Variants in KSR2 observed in about 807,000 individuals in gnomAD.
The protein encoded by KSR2 is kinase suppressor of ras 2.
Under a neutral mutation model 107.8 loss-of-function variants are expected in KSR2, and 25 were observed. The observed-to-expected ratio is 0.23, with a 90% CI of 0.17 to 0.32. KSR2 has a LOEUF of 0.32. Among genes scored for constraint, KSR2 ranks in the 10% least tolerant of loss-of-function variants. The pLI is 1.00. For synonymous variants in KSR2, 480 were observed against 507.0 expected (o/e 0.95, Z 0.71); for missense variants, 887 against 1,268.9 (o/e 0.70, Z 4.57).
intron 5 of KSR2, among the ~76,000 whole-genome samples, chr12:117,659,401 G>A (rs555148878): frequency 1.3e-5 from 2 of 152,236 alleles, no homozygotes; most frequent in South Asian, 4.1e-4. Flanking sequence ...GCCTCTCATG[G>A]AACATACACA....
At position 117,527,073 on chromosome 12, in the gene KSR2, C is replaced by T. The variant is rs1565884623; in HGVS notation, c.1849G>A (p.Glu617Lys). The change falls in exon 13 of 20, where the codon GAG becomes AAG. Residue 617 changes from glutamate (E) to lysine (K), a missense_variant and splice_region_variant. By Grantham distance (56) the Glu-to-Lys change is moderately conservative (BLOSUM62 1). This residue lies in a region of KSR2 where 308 missense variants were observed against 506.2 expected (regional missense o/e 0.61). Coordinates refer to ENST00000339824, the MANE Select transcript of KSR2 (RefSeq NM_173598.6). ...CTTCACTGCTCTCTGATTCTCACCT[C>T]CGACGTTGGCTCCACTTCAATTTGA... ...LLQIEVEPTSENEEVHDEAEE... is the reference protein window; with the variant it reads ...LLQIEVEPTSKNEEVHDEAEE... 1 of 1,613,724 alleles carries T rather than the reference C, an allele frequency of 6.2e-7. No homozygotes were observed. The highest frequency in any genetic ancestry group is 2.2e-5 in the East Asian group (1 of 44,870).
chr12:117,643,581 G>A lies in KSR2; in HGVS notation c.1171+23893C>T, dbSNP rs1364641098. Among the ~76,000 whole-genome samples the A allele has an allele frequency of 3.9e-5, 6 of 152,146 alleles. No individual in the cohort carries two copies. The East Asian group carries it at 1.2e-3, about 29-fold the overall frequency. ...CTAAAAGTTTGTTTATTAAGTGCAC[G>A]AACATACTTTATGGAAACACTCACT... On this transcript the variant is annotated intron_variant, in intron 5 of 19. Transcript: ENST00000339824.
chr12:117,952,478 G>A (rs891725670), intron 1 of KSR2, among the ~76,000 whole-genome samples: 8 of 149,760 alleles, frequency 5.3e-5, no homozygotes, highest in African/African-American at 9.8e-5. Flanking sequence ...GCAAAACCCC[G>A]TCTCTACAAA....
chr12:117,844,561 G>A (rs1164756641), intron 3 of KSR2, among the ~76,000 whole-genome samples: 1 of 151,940 alleles, frequency 6.6e-6, no homozygotes, highest in African/African-American at 2.4e-5. Context: ...TGACCAACTG[G>A]AGATTGTGCA....
Position 117,761,266 on chromosome 12 carries a change from C to A in KSR2, c.731G>T (p.Gly244Val). 6.5e-7 allele frequency: 1 copy of A among 1,532,134 alleles called. No homozygotes were observed. The highest frequency in any genetic ancestry group is 1.3e-5 in the South Asian group (1 of 77,126). The allele number at this position is 1,532,134 out of a possible 1,614,324, so 94.9% of individuals were successfully genotyped here. ...GGGCGATGGGGGCAGGGAACGGTGG[C>A]CCGACTCCAGTGGCGGGGGCGGGCA... ...GLCPPPPLES[G>V]HRSLPPSPRQ... The change falls in exon 4 of 20, where the codon GGC becomes GTC. Residue 244 changes from glycine (G) to valine (V), a missense_variant. By Grantham distance (109) the Gly-to-Val change is moderately radical. This residue lies in a region of KSR2 where 399 missense variants were observed against 479.5 expected (regional missense o/e 0.83). Transcript: ENST00000339824.
intron 14 of KSR2, among the ~76,000 whole-genome samples, chr12:117,501,268 A>G (rs1873361420): frequency 6.6e-6 from 1 of 152,256 alleles, no homozygotes; most frequent in Admixed American, 6.5e-5. Context: ...AGCAGAGTTA[A>G]GGAGTTGTAA....
At chr12:117,762,086 C>G (rs1018139455) in intron 3 of KSR2, among the ~76,000 whole-genome samples, 1 of 152,224 alleles carries the variant, frequency 6.6e-6, no homozygotes, top group East Asian at 1.9e-4. Flanking sequence ...AACAGCCTTG[C>G]CTTCCACTGC....
intron 14 of KSR2, among the ~76,000 whole-genome samples, chr12:117,509,720 T>C (rs973090664): frequency 1.3e-5 from 2 of 152,194 alleles, no homozygotes; most frequent in African/African-American, 4.8e-5. Context: ...ATAACAGCCT[T>C]GGAGGGACTG....
chr12:117,500,773 A>G (rs1873330507), intron 14 of KSR2, among the ~76,000 whole-genome samples: 1 of 152,136 alleles, frequency 6.6e-6, no homozygotes, highest in Non-Finnish European at 1.5e-5. Context: ...GGCTCAAGAG[A>G]TTGAATGACT....
intron 4 of KSR2, among the ~76,000 whole-genome samples, chr12:117,688,728 G>T (rs957036463): frequency 1.3e-5 from 2 of 152,258 alleles, no homozygotes; most frequent in African/African-American, 4.8e-5. Flanking sequence ...AAAATGTGCT[G>T]CCAAAGGACA....
At chr12:117,526,099 G>C (rs973831208) in intron 13 of KSR2, among the ~76,000 whole-genome samples, 3 of 152,152 alleles carry the variant, frequency 2.0e-5, no homozygotes, top group Admixed American at 2.0e-4. Flanking sequence ...ACACCGACTG[G>C]GAGGCCCGAG....
chr12:117,494,105 T>C (rs543368844), intron 14 of KSR2, among the ~76,000 whole-genome samples: 1 of 152,314 alleles, frequency 6.6e-6, no homozygotes, highest in South Asian at 2.1e-4. Flanking sequence ...AATGAATGAA[T>C]GGATGCAGTG....
intron 3 of KSR2, among the ~76,000 whole-genome samples, chr12:117,767,399 T>C (rs1328032839): frequency 2.0e-5 from 3 of 150,024 alleles, no homozygotes; most frequent in African/African-American, 7.4e-5. Context: ...ATCGCTCCAC[T>C]GCACTCCAGC....
intron 14 of KSR2, among the ~76,000 whole-genome samples, chr12:117,518,926 GACCCATCGATC>G (rs1224967120): frequency 1.3e-5 from 2 of 152,156 alleles, no homozygotes; most frequent in African/African-American, 2.4e-5. Flanking sequence ...CCATCACTCT[GACCCATCGATC>G]ACCCTGACTG....
At chr12:117,859,449 TG>T (rs373935305) in intron 2 of KSR2, among the ~76,000 whole-genome samples, 9 of 140,720 alleles carry the variant, frequency 6.4e-5, no homozygotes, top group African/African-American at 2.6e-4. Flanking sequence ...TTTCGTTTTT[TG>T]TTTTTTATTT....
rs76312813 is a variant in KSR2, at chr12:117,605,925, G to A, written c.1172-23566C>T. Among the ~76,000 whole-genome samples the A allele has an allele frequency of 1.3e-3, 194 of 152,170 alleles. 1 individual carries two copies. The highest frequency in any genetic ancestry group is 4.4e-3 in the African/African-American group (183 of 41,504). On this transcript the variant is annotated intron_variant, in intron 5 of 19. Coordinates refer to ENST00000339824, the MANE Select transcript of KSR2 (RefSeq NM_173598.6). ...ACTTATAAGTGGGAGATGAACAAAC[G>A]GCTTATTTTATGCCTCAGTTAGATT...
At position 117,862,699 on chromosome 12, in the gene KSR2, G is replaced by A. The variant is rs117537446; in HGVS notation, c.181-2268C>T. Among the ~76,000 whole-genome samples the A allele has an allele frequency of 7.8e-3, 1,171 of 149,836 alleles. 45 individuals are homozygous for A. In the East Asian group the frequency reaches 0.092, roughly 12 times the overall value. ...GGGATGGTTGTCATGGGCTTCTGTT[G>A]CTTTTGCTATCTGGTCTCCATTCCC... On this transcript the variant is annotated intron_variant, in intron 1 of 19. Transcript: ENST00000339824.
intron 3 of KSR2, among the ~76,000 whole-genome samples, chr12:117,790,800 TC>T (rs1890226689): frequency 1.3e-5 from 2 of 152,046 alleles, no homozygotes; most frequent in Admixed American, 6.5e-5. Context: ...GTAAGACCCA[TC>T]CACACTACCT....
intron 2 of KSR2, among the ~76,000 whole-genome samples, chr12:117,859,314 T>G (rs1274683621): frequency 6.6e-6 from 1 of 151,508 alleles, no homozygotes; most frequent in East Asian, 1.9e-4. Flanking sequence ...CCCGGCTAAT[T>G]TTTGTACTTT....
Sources: gnomAD v4.1 joint callset for allele counts (sites outside exome capture counted in the v4.1 genomes callset) on GRCh38, gnomAD v4.1.1 for gene constraint, gnomAD v4.1.1 regional missense constraint, MANE v1.5 for transcripts, NCBI Gene and HGNC (gene_info 2026-07-23, HGNC 2026-07-21) for gene names.